TUSC3: variants seen among roughly 807,000 people sequenced by gnomAD.
TUSC3 encodes dolichyl-diphosphooligosaccharide--protein glycosyltransferase subunit TUSC3.
A neutral mutation model predicts 44.8 loss-of-function variants in TUSC3; 45 were observed. The ratio of observed to expected loss-of-function variants is 1.00; its 90% confidence interval spans 0.79 to 1.29. The LOEUF (loss-of-function observed/expected upper bound fraction) is 1.29, where lower values mean the gene tolerates loss of function less well. Among genes scored for constraint, TUSC3 ranks in the 50% most tolerant of loss-of-function variants. The probability of loss-of-function intolerance (pLI) is 0.00; values close to 1 mark genes in which losing one functional copy is unlikely to be tolerated. For missense variants in TUSC3, 519 were observed against 437.9 expected, an observed-to-expected ratio of 1.19 and a Z score of -1.65; for synonymous variants, 212 against 152.9, an observed-to-expected ratio of 1.39 and a Z score of -2.85.
chr8:15,614,665 A>C (rs1353692892), intron 1 of TUSC3, among the ~76,000 whole-genome samples: 5 of 152,118 alleles, frequency 3.3e-5, no homozygotes, highest in Non-Finnish European at 7.4e-5. Context: ...GTGTGGACCT[A>C]CCATATTTTG....
intron 1 of TUSC3, among the ~76,000 whole-genome samples, chr8:15,443,756 G>A (rs1027242541): frequency 2.6e-5 from 4 of 152,122 alleles, no homozygotes; most frequent in African/African-American, 7.2e-5. Flanking sequence ...GCAGCTGGGC[G>A]CTACAAGATT....
the TUSC3 span, among the ~76,000 whole-genome samples, chr8:15,783,369 C>G: frequency 6.6e-6 from 1 of 152,050 alleles, no homozygotes; most frequent in Non-Finnish European, 1.5e-5. Flanking sequence ...AATAGAAAAA[C>G]AAATCCTAAA....
intron 2 of TUSC3, among the ~76,000 whole-genome samples, chr8:15,511,421 A>G (rs1350562631): frequency 6.6e-6 from 1 of 152,254 alleles, no homozygotes; most frequent in Non-Finnish European, 1.5e-5. Context: ...GAAATATGTG[A>G]ATTTAGCAAG....
intron 1 of TUSC3, among the ~76,000 whole-genome samples, chr8:15,587,939 C>T (rs10109937): frequency 0.22 from 34,003 of 151,800 alleles, 3,921 homozygotes; most frequent in East Asian, 0.45. Flanking sequence ...TATATATATG[C>T]TACATTTTCT....
chr8:15,435,983 A>T (rs1257315101), intron 1 of TUSC3, among the ~76,000 whole-genome samples: 2 of 152,190 alleles, frequency 1.3e-5, no homozygotes, highest in Admixed American at 6.5e-5. Flanking sequence ...AGAATCTCTG[A>T]TGCCATCACA....
chr8:15,660,903 T>TA (rs1563159359), intron 4 of TUSC3, among the ~76,000 whole-genome samples: 14 of 71,814 alleles, frequency 1.9e-4, no homozygotes, highest in East Asian at 1.1e-3. Context: ...TAAACTTTTG[T>TA]TAAAAAAAAA....
chr8:15,643,293 G>T (rs1806467320), intron 2 of TUSC3, among the ~76,000 whole-genome samples: 1 of 152,138 alleles, frequency 6.6e-6, no homozygotes. Flanking sequence ...CATGAGAATG[G>T]ACTAATACAG....
the TUSC3 span, among the ~76,000 whole-genome samples, chr8:15,823,976 G>A: frequency 6.6e-6 from 1 of 152,172 alleles, no homozygotes; most frequent in South Asian, 2.1e-4. Context: ...GAAAACATAT[G>A]CAAGAAGCAG....
intron 9 of TUSC3, among the ~76,000 whole-genome samples, chr8:15,751,827 C>A (rs976904346): frequency 2.0e-5 from 3 of 152,142 alleles, no homozygotes; most frequent in African/African-American, 4.8e-5. Context: ...TATTCCTACA[C>A]CATGCACAGC....
At chr8:15,439,161 C>G (rs766279809) in intron 1 of TUSC3, among the ~76,000 whole-genome samples, 3 of 152,170 alleles carry the variant, frequency 2.0e-5, no homozygotes, top group African/African-American at 7.2e-5. Context: ...TTCCCTCTGA[C>G]CTATCACAAT....
At position 15,748,950 on chromosome 8, in the gene TUSC3, T is replaced by C. The variant is rs190321853; in HGVS notation, c.1028+485T>C. On this transcript the variant is annotated intron_variant, in intron 9 of 10. Transcript: ENST00000503731. ...ATTATAAATCATCATAACGAGTATC[T>C]CATAAGATTTTCACCAACAAATATA... The C allele has an allele frequency of 1.7e-4, 61 of 351,998 alleles. No individual in the cohort carries two copies. In the Admixed American group the frequency reaches 2.2e-3, roughly 13 times the overall value. The allele number at this position is 351,998 out of a possible 1,614,324, so 21.8% of individuals were successfully genotyped here. A position where few individuals can be genotyped will look rare whatever the true frequency, so the allele number is the denominator to read the frequency against.
intron 6 of TUSC3, among the ~76,000 whole-genome samples, chr8:15,724,129 T>C (rs555392904): frequency 6.6e-6 from 1 of 152,190 alleles, no homozygotes; most frequent in Non-Finnish European, 1.5e-5. Context: ...CTCTGTCTGC[T>C]CACAAAGAAG....
intron 1 of TUSC3, among the ~76,000 whole-genome samples, chr8:15,553,914 G>C (rs1585095027): frequency 6.6e-6 from 1 of 151,740 alleles, no homozygotes; most frequent in East Asian, 1.9e-4. Context: ...TAGATACTTT[G>C]TTTTCCCCCA....
intron 2 of TUSC3, among the ~76,000 whole-genome samples, chr8:15,530,583 G>GAA (rs1259940417): frequency 6.6e-6 from 1 of 152,038 alleles, no homozygotes; most frequent in Non-Finnish European, 1.5e-5. Flanking sequence ...GCAGCTCCAG[G>GAA]GCTCATGCTT....
In TUSC3 at chr8:15,589,629, A is replaced by G. The variant is rs764443080; in HGVS notation, c.139-33451A>G. On this transcript the variant is annotated intron_variant, in intron 1 of 10. Transcript: ENST00000503731. ...TGTACTAGATCTTTAAGCTAATGCTATTATAACCTATATTAATTAGGTTCT... is the reference window on the plus strand; with the variant it reads ...TGTACTAGATCTTTAAGCTAATGCTGTTATAACCTATATTAATTAGGTTCT... Among the ~76,000 whole-genome samples, 9 of 152,200 alleles carry G rather than the reference A, an allele frequency of 5.9e-5. 1 individual carries two copies. In the South Asian group the frequency reaches 6.2e-4, roughly 11 times the overall value.
chr8:15,635,256 G>A (rs967192486), intron 2 of TUSC3, among the ~76,000 whole-genome samples: 1 of 152,164 alleles, frequency 6.6e-6, no homozygotes. Flanking sequence ...AAGAAGAGAT[G>A]AACTCTTTCT....
intron 6 of TUSC3, among the ~76,000 whole-genome samples, chr8:15,725,155 G>A (rs1472051245): frequency 1.3e-5 from 2 of 151,994 alleles, no homozygotes; most frequent in Non-Finnish European, 2.9e-5. Context: ...ATTTTTTTTA[G>A]TAAGGATTAT....
the TUSC3 span, among the ~76,000 whole-genome samples, chr8:15,771,911 A>G: frequency 6.6e-6 from 1 of 151,978 alleles, no homozygotes; most frequent in African/African-American, 2.4e-5. Context: ...ACACGGTGAA[A>G]CCCCATCTCT....
At chr8:15,674,462 T>C (rs753680142) in intron 6 of TUSC3, among the ~76,000 whole-genome samples, 1 of 151,854 alleles carries the variant, frequency 6.6e-6, no homozygotes, top group Non-Finnish European at 1.5e-5. Context: ...AGATGAACAG[T>C]TTTTCGTTTT....
Sources: gnomAD v4.1 joint callset for allele counts (sites outside exome capture counted in the v4.1 genomes callset) on GRCh38, gnomAD v4.1.1 for gene constraint, MANE v1.5 for transcripts, NCBI Gene and HGNC (gene_info 2026-07-23, HGNC 2026-07-21) for gene names.